GLT8D2: variants seen among roughly 807,000 people sequenced by gnomAD.
The protein encoded by GLT8D2 is glycosyltransferase 8 domain containing 2.
In GLT8D2, 45 loss-of-function variants were observed where a neutral mutation model predicts 44.5. That is an observed-to-expected ratio of 1.01 (90% confidence interval 0.80 to 1.30). The LOEUF (loss-of-function observed/expected upper bound fraction) is 1.30, where lower values mean the gene tolerates loss of function less well. Among genes scored for constraint, GLT8D2 ranks in the 50% most tolerant of loss-of-function variants. The pLI, the probability that GLT8D2 is intolerant of heterozygous loss-of-function variation, is 0.00. For missense variants in GLT8D2, 400 were observed against 430.4 expected (o/e 0.93, Z 0.62); for synonymous variants, 156 against 157.2 (o/e 0.99, Z 0.06).
intron 3 of GLT8D2, among the ~76,000 whole-genome samples, chr12:104,019,040 G>A (rs952213728): frequency 2.0e-5 from 3 of 148,816 alleles, no homozygotes; most frequent in Middle Eastern, 3.5e-3. Flanking sequence ...TATTTATTCC[G>A]AACGAGAAAA....
Sources: gnomAD v4.1 joint callset for allele counts (sites outside exome capture counted in the v4.1 genomes callset) on GRCh38, gnomAD v4.1.1 for gene constraint, MANE v1.5 for transcripts, NCBI Gene and HGNC (gene_info 2026-07-23, HGNC 2026-07-21) for gene names.